The following UBASH3B variants were observed in gnomAD, a reference collection of about 807,000 sequenced individuals.
UBASH3B encodes the protein ubiquitin-associated and SH3 domain-containing protein B.
A neutral mutation model predicts 83.4 loss-of-function variants in UBASH3B; 37 were observed. The ratio of observed to expected loss-of-function variants is 0.44; its 90% CI spans 0.34 to 0.58. UBASH3B has a LOEUF of 0.58. Ranked by LOEUF, UBASH3B falls within the 20% of genes least tolerant of loss-of-function variation. The probability of loss-of-function intolerance (pLI) is 0.01; values close to 1 mark genes in which losing one functional copy is unlikely to be tolerated. For synonymous variants in UBASH3B, 304 were observed against 318.3 expected (o/e 0.96, Z 0.48); for missense variants, 657 against 827.2 (o/e 0.79, Z 2.52).
At chr11:122,665,471 G>A (rs1273561746) in intron 1 of UBASH3B, among the ~76,000 whole-genome samples, 1 of 152,212 alleles carries the variant, frequency 6.6e-6, no homozygotes, top group African/African-American at 2.4e-5. Flanking sequence ...TGGGATTACA[G>A]GCATGAGCCC....
chr11:122,794,734 A>G lies in UBASH3B; in HGVS notation c.1013A>G (p.Asn338Ser), dbSNP rs759169911. The G allele has an allele frequency of 9.9e-6, 16 of 1,613,794 alleles. No individual in the cohort carries two copies. Among genetic ancestry groups the G allele is most frequent in the Non-Finnish European group, 1.4e-5 (16 of 1,179,980 alleles). ...TCAATCTTAAATACATCGTCATCCA[A>G]CTCTCTCACGTTTGGGGATGGAGTA... The part of the protein sequence containing the change: ...SYSILNTSSS[N>S]SLTFGDGVLE... Residue 338 changes from asparagine to serine, a missense_variant, in exon 7 of 14, where the codon AAC (asparagine) becomes AGC (serine). This residue lies in a region of UBASH3B where 573 missense variants were observed against 739.0 expected (regional missense o/e 0.78). Coordinates refer to ENST00000284273, the MANE Select transcript of UBASH3B (RefSeq NM_032873.5).
At chr11:122,781,581 T>G (rs966397312) in intron 4 of UBASH3B, among the ~76,000 whole-genome samples, 1 of 152,220 alleles carries the variant, frequency 6.6e-6, no homozygotes, top group African/African-American at 2.4e-5. Context: ...TTCGTTTCTC[T>G]GCTGTTGTGT....
At chr11:122,679,712 A>G (rs1028008674) in intron 1 of UBASH3B, among the ~76,000 whole-genome samples, 1 of 152,266 alleles carries the variant, frequency 6.6e-6, no homozygotes, top group Non-Finnish European at 1.5e-5. Context: ...TGGATGATAT[A>G]TAAACAAATA....
chr11:122,780,279 T>C, intron 4 of UBASH3B, among the ~76,000 whole-genome samples: 1 of 152,360 alleles, frequency 6.6e-6, no homozygotes, highest in East Asian at 1.9e-4. Flanking sequence ...TCTCCTGCTC[T>C]TCTCATGGGA....
At chr11:122,793,775 G>C (rs974992857) in intron 6 of UBASH3B, among the ~76,000 whole-genome samples, 8 of 152,190 alleles carry the variant, frequency 5.3e-5, no homozygotes, top group Non-Finnish European at 8.8e-5. Flanking sequence ...TTGGCTCACA[G>C]CTCTAAACGT....
At chr11:122,776,329 T>C (rs1368510338) in intron 2 of UBASH3B, 57 bp downstream of exon 2, 1 of 1,502,986 alleles carries the variant, frequency 6.7e-7, no homozygotes, top group African/African-American at 1.4e-5. Flanking sequence ...AAAGTGCATG[T>C]GGATGAGTGG....
At chr11:122,672,877 G>A (rs1863617625) in intron 1 of UBASH3B, among the ~76,000 whole-genome samples, 1 of 152,146 alleles carries the variant, frequency 6.6e-6, no homozygotes, top group African/African-American at 2.4e-5. Flanking sequence ...CCAGCCTGCA[G>A]TAGGGACATG....
chr11:122,757,662 G>A (rs1861302759), intron 1 of UBASH3B, among the ~76,000 whole-genome samples: 1 of 149,032 alleles, frequency 6.7e-6, no homozygotes, highest in Admixed American at 6.7e-5. Context: ...AGGGGTAAGA[G>A]TTCTGAGTGC....
intron 1 of UBASH3B, among the ~76,000 whole-genome samples, chr11:122,770,444 CG>C (rs1456223368): frequency 7.4e-6 from 1 of 136,046 alleles, no homozygotes; most frequent in Non-Finnish European, 1.6e-5. Flanking sequence ...CCCTCTGAGT[CG>C]GGGATGTCTT....
At chr11:122,682,745 C>T (rs10892880) in intron 1 of UBASH3B, among the ~76,000 whole-genome samples, 31,335 of 152,080 alleles carry the variant, frequency 0.21, 3,609 homozygotes, top group Non-Finnish European at 0.26. Flanking sequence ...AGCACTGTCA[C>T]GGGGAAGCTT....
intron 11 of UBASH3B, among the ~76,000 whole-genome samples, chr11:122,802,819 C>A (rs780097426): frequency 6.6e-6 from 1 of 152,162 alleles, no homozygotes; most frequent in Non-Finnish European, 1.5e-5. Flanking sequence ...AAATTGTTGT[C>A]CCCCATGCAG....
At position 122,812,215 on chromosome 11, in the gene UBASH3B, A is replaced by G. The variant is rs1233548141; in HGVS notation, c.*2329A>G. Reference sequence around the variant, plus strand: ...CCGAATAATTCAGGTGGAAAACAAGAAAGATTGTATTTCTCTGCTTTCATT... The same window carrying G: ...CCGAATAATTCAGGTGGAAAACAAGGAAGATTGTATTTCTCTGCTTTCATT... On this transcript the variant is annotated 3_prime_UTR_variant, in exon 14 of 14. Coordinates refer to ENST00000284273, the MANE Select transcript of UBASH3B (RefSeq NM_032873.5). 1 of 151,848 alleles carries G rather than the reference A, an allele frequency of 6.6e-6. No individual in the cohort carries two copies. The highest frequency in any genetic ancestry group is 1.5e-5 in the Non-Finnish European group (1 of 67,912). The allele number at this position is 151,848 out of a possible 1,614,324, so 9.4% of individuals were successfully genotyped here. A position where few individuals can be genotyped will look rare whatever the true frequency, so the allele number is the denominator to read the frequency against.
At chr11:122,668,945 A>AGCCATTGAGGG (rs2135897688) in intron 1 of UBASH3B, among the ~76,000 whole-genome samples, 1 of 152,322 alleles carries the variant, frequency 6.6e-6, no homozygotes, top group Non-Finnish European at 1.5e-5. Context: ...TCACTCGAGA[A>AGCCATTGAGGG]GCCATCTCCA....
Position 122,776,920 on chromosome 11 carries a change from T to C in UBASH3B, c.216-104T>C, listed in dbSNP as rs1370612407. 4.5e-6 allele frequency: 5 copies of C among 1,106,408 alleles called. No homozygotes were observed. In the African/African-American group the frequency reaches 8.0e-5, roughly 18 times the overall value. The allele number at this position is 1,106,408 out of a possible 1,614,324, so 68.5% of individuals were successfully genotyped here. On this transcript the variant is annotated intron_variant, in intron 2 of 13. Coordinates refer to ENST00000284273, the MANE Select transcript of UBASH3B (RefSeq NM_032873.5). ...TGAATGAAAACCCTTCCCCGCGCTG[T>C]GCCGGGGATTTGGAGCACATGGAGG...
chr11:122,780,631 G>C (rs1349146894), intron 4 of UBASH3B, among the ~76,000 whole-genome samples: 1 of 152,248 alleles, frequency 6.6e-6, no homozygotes, highest in East Asian at 1.9e-4. Flanking sequence ...GCTCTGAAAA[G>C]AGAAAGGGGT....
At chr11:122,797,582 A>T (rs192404567) in intron 9 of UBASH3B, among the ~76,000 whole-genome samples, 1 of 152,366 alleles carries the variant, frequency 6.6e-6, no homozygotes, top group African/African-American at 2.4e-5. Flanking sequence ...TTATGTGTGG[A>T]TAAATATCAT....
At chr11:122,755,465 TGGCCACATGGA>T (rs1056004382) in intron 1 of UBASH3B, among the ~76,000 whole-genome samples, 1 of 152,044 alleles carries the variant, frequency 6.6e-6, no homozygotes, top group African/African-American at 2.4e-5. Context: ...CAGGAGGGTG[TGGCCACATGGA>T]GTGCTGGTCT....
At chr11:122,786,733 C>T (rs1241828745) in intron 5 of UBASH3B, among the ~76,000 whole-genome samples, 1 of 152,198 alleles carries the variant, frequency 6.6e-6, no homozygotes, top group Non-Finnish European at 1.5e-5. Context: ...ATAAATTAGG[C>T]ATGTGTTCTC....
intron 7 of UBASH3B, among the ~76,000 whole-genome samples, chr11:122,795,449 G>A (rs1280314309): frequency 3.3e-5 from 5 of 152,160 alleles, no homozygotes; most frequent in Admixed American, 6.5e-5. Flanking sequence ...GCTGGCCCGC[G>A]CTAAGGAAAC....
Sources: allele counts gnomAD v4.1 joint callset (sites outside exome capture counted in the v4.1 genomes callset), GRCh38; gene constraint gnomAD v4.1.1; regional missense constraint gnomAD v4.1.1; transcripts MANE v1.5; gene names NCBI Gene and HGNC (gene_info 2026-07-23, HGNC 2026-07-21).